PIWIL4: variants seen among roughly 807,000 people sequenced by gnomAD.
The protein encoded by PIWIL4 is piwi-like protein 4.
A neutral mutation model predicts 100.9 loss-of-function variants in PIWIL4; 50 were observed. That is an observed-to-expected ratio of 0.50 (90% CI 0.39 to 0.63). PIWIL4 has a LOEUF of 0.63. Ranked by LOEUF, PIWIL4 falls within the 20% of genes least tolerant of loss-of-function variation. The pLI, the probability that PIWIL4 is intolerant of heterozygous loss-of-function variation, is 0.00. For missense variants in PIWIL4, 887 were observed against 1,043.3 expected (o/e 0.85, Z 2.06); for synonymous variants, 342 against 367.5 (o/e 0.93, Z 0.79).
intron 8 of PIWIL4, among the ~76,000 whole-genome samples, chr11:94,589,944 A>C (rs1410940748): frequency 6.6e-6 from 1 of 152,200 alleles, no homozygotes; most frequent in African/African-American, 2.4e-5. Context: ...TATTGATGGA[A>C]TCTGTTGCTG....
intron 1 of PIWIL4, among the ~76,000 whole-genome samples, chr11:94,568,221 T>C (rs188946899): frequency 1.3e-5 from 2 of 152,326 alleles, no homozygotes; most frequent in East Asian, 3.9e-4. Flanking sequence ...GTTCATTTTT[T>C]AGCAGGCCAA....
At chr11:94,614,989 G>A (rs1430252728) in intron 15 of PIWIL4, among the ~76,000 whole-genome samples, 1 of 152,204 alleles carries the variant, frequency 6.6e-6, no homozygotes, top group Admixed American at 6.5e-5. Flanking sequence ...CTGAACAAAT[G>A]TGGTTGGGGA....
chr11:94,607,721 C>A, intron 14 of PIWIL4, 82 bp downstream of exon 14: 1 of 1,363,458 alleles, frequency 7.3e-7, no homozygotes, highest in Non-Finnish European at 1.0e-6. Flanking sequence ...ATCACATGAT[C>A]CCAGAATTAT....
At chr11:94,583,122 T>G (rs2135253122) in intron 4 of PIWIL4, among the ~76,000 whole-genome samples, 1 of 151,716 alleles carries the variant, frequency 6.6e-6, no homozygotes, top group East Asian at 1.9e-4. Context: ...TCAAAATAAT[T>G]TGTGACCCAT....
At chr11:94,590,210 G>A (rs7926234) in intron 8 of PIWIL4, among the ~76,000 whole-genome samples, 58,067 of 151,968 alleles carry the variant, frequency 0.38, 11,175 homozygotes, top group African/African-American at 0.39. Flanking sequence ...TCAGCAGTCT[G>A]GTATCCAGTT....
chr11:94,601,172 T>C (rs1475883350), intron 11 of PIWIL4, among the ~76,000 whole-genome samples: 1 of 151,804 alleles, frequency 6.6e-6, no homozygotes. Context: ...CCATGAAATC[T>C]TCACAATTTA....
At chr11:94,592,350 T>C (rs1258091365) in intron 8 of PIWIL4, among the ~76,000 whole-genome samples, 1 of 152,232 alleles carries the variant, frequency 6.6e-6, no homozygotes, top group Non-Finnish European at 1.5e-5. Context: ...TTTGTGCTTC[T>C]TGTGGACCTC....
In PIWIL4 at chr11:94,619,023, A is replaced by T. The variant is rs1948876994; in HGVS notation, c.2169-737A>T. Among the ~76,000 whole-genome samples the T allele has an allele frequency of 2.0e-5, 3 of 152,200 alleles. No individual in the cohort carries two copies. In the South Asian group the frequency reaches 6.2e-4, roughly 32 times the overall value. The stretch of plus-strand genomic sequence containing the variant: ...GTATGCAACTGAGGGATGCAGGAGT[A>T]AATTTAGCAGCTGACAGTGCTAAGG... On this transcript the variant is annotated intron_variant, in intron 17 of 19. Transcript: ENST00000299001.
At chr11:94,602,970 T>C (rs1948664119) in intron 12 of PIWIL4, among the ~76,000 whole-genome samples, 1 of 152,252 alleles carries the variant, frequency 6.6e-6, no homozygotes, top group Non-Finnish European at 1.5e-5. Flanking sequence ...CTCATGTGAA[T>C]TCTGGAACAA....
intron 7 of PIWIL4, among the ~76,000 whole-genome samples, 176 bp from the exon 8 acceptor site, chr11:94,588,945 A>G (rs577454735): frequency 6.6e-6 from 1 of 152,346 alleles, no homozygotes; most frequent in African/African-American, 2.4e-5. Context: ...TTATTAAGGA[A>G]TGCCCTTTTC....
chr11:94,599,375 A>G (rs1948604637), intron 11 of PIWIL4, among the ~76,000 whole-genome samples: 1 of 152,210 alleles, frequency 6.6e-6, no homozygotes, highest in East Asian at 1.9e-4. Flanking sequence ...TAAGATGACA[A>G]TATCATCAAC....
chr11:94,573,200 G>C (rs1481431877), intron 2 of PIWIL4, among the ~76,000 whole-genome samples: 1 of 152,150 alleles, frequency 6.6e-6, no homozygotes, highest in African/African-American at 2.4e-5. Context: ...TGAGACGATG[G>C]GGTGTTCTAG....
In PIWIL4 at chr11:94,597,907, G is replaced by A; in HGVS notation, c.1372G>A (p.Asp458Asn). The A allele has an allele frequency of 1.2e-6, 2 of 1,606,314 alleles. No homozygotes were observed. The highest frequency in any genetic ancestry group is 1.7e-6 in the Non-Finnish European group (2 of 1,173,028). The change falls in exon 11 of 20, where the codon GAC (aspartate) becomes AAC (asparagine). Residue 458 changes from aspartate to asparagine, a missense_variant. Physicochemically the swap from Asp to Asn is conservative, Grantham distance 23. Coordinates refer to ENST00000299001, the MANE Select transcript of PIWIL4 (RefSeq NM_152431.3). ...IVPSEKILMQ[D>N]HICQPVSAAD... ...GCCTTCAGAAAAAATATTAATGCAA[G>A]ACCACATAGTAAGTGCTGTGATTTT...
chr11:94,616,463 T>A (rs768397601), intron 15 of PIWIL4, 30 bp from the exon 16 acceptor site: 1 of 1,537,098 alleles, frequency 6.5e-7, no homozygotes, highest in Non-Finnish European at 8.9e-7. Flanking sequence ...TGAAGTTGAA[T>A]TTTACTTTTA....
At chr11:94,603,293 G>A (rs754546980) in intron 12 of PIWIL4, among the ~76,000 whole-genome samples, 16 of 152,160 alleles carry the variant, frequency 1.1e-4, no homozygotes, top group South Asian at 2.1e-4. Context: ...TTAAAAAGCC[G>A]CTGGGCATTG....
chr11:94,593,678 G>C (rs1216368618), intron 9 of PIWIL4, 37 bp downstream of exon 9: 1 of 1,605,858 alleles, frequency 6.2e-7, no homozygotes, highest in Non-Finnish European at 8.5e-7. Flanking sequence ...CAGGCTCCTG[G>C]ATACAGGCCC....
At chr11:94,567,663 G>T in intron 1 of PIWIL4, 58 bp downstream of exon 1, 1 of 1,477,254 alleles carries the variant, frequency 6.8e-7, no homozygotes, top group South Asian at 1.4e-5. Flanking sequence ...TCTCTAGCCT[G>T]AACAATGCCT....
intron 5 of PIWIL4, among the ~76,000 whole-genome samples, chr11:94,584,667 G>A (rs368435394): frequency 3.3e-5 from 5 of 152,178 alleles, no homozygotes; most frequent in African/African-American, 1.2e-4. Flanking sequence ...TTCCTGACTT[G>A]AAACCCCCAT....
Position 94,593,585 on chromosome 11 carries a change from A to G in PIWIL4, c.1094A>G (p.Asn365Ser). The G allele has an allele frequency of 6.2e-7, 1 of 1,614,060 alleles. No individual in the cohort carries two copies. The highest frequency in any genetic ancestry group is 1.1e-5 in the South Asian group (1 of 91,082). Residue 365 changes from asparagine to serine, a missense_variant, in exon 9 of 20, where the codon AAT becomes AGT. By Grantham distance (46) the Asn-to-Ser change is conservative. Coordinates refer to ENST00000299001, the MANE Select transcript of PIWIL4 (RefSeq NM_152431.3). ...MLVSLLKKKR[N>S]DNSEAQLAHL... is the part of the protein sequence containing the mutation. ...GTTAGTCTGTTAAAGAAGAAGAGAAATGACAACAGTGAGGCTCAGCTCGCC... is the reference window on the plus strand; with the variant it reads ...GTTAGTCTGTTAAAGAAGAAGAGAAGTGACAACAGTGAGGCTCAGCTCGCC...
Sources: allele counts gnomAD v4.1 joint callset (sites outside exome capture counted in the v4.1 genomes callset), GRCh38; gene constraint gnomAD v4.1.1; transcripts MANE v1.5; gene names NCBI Gene and HGNC (gene_info 2026-07-23, HGNC 2026-07-21).